SGCG: variants seen among roughly 807,000 people sequenced by gnomAD.
SGCG encodes the protein gamma-sarcoglycan.
SGCG carries 26 observed loss-of-function variants against 29.3 expected under a neutral mutation model. The ratio of observed to expected loss-of-function variants is 0.89; its 90% CI spans 0.65 to 1.23. SGCG has a LOEUF of 1.23. SGCG is among the 50% of genes most tolerant of loss of function. SGCG has a pLI of 0.00. For synonymous variants in SGCG, 145 were observed against 129.7 expected (o/e 1.12, Z -0.80); for missense variants, 353 against 356.0 (o/e 0.99, Z 0.07).
At chr13:23,273,477 G>T (rs115566158) in intron 4 of SGCG, among the ~76,000 whole-genome samples, 203 of 152,218 alleles carry the variant, frequency 1.3e-3, no homozygotes, top group Middle Eastern at 0.01. Flanking sequence ...GAGCTACCAC[G>T]CCCAGCCAGT....
intron 4 of SGCG, among the ~76,000 whole-genome samples, chr13:23,262,967 A>T (rs1880501131): frequency 6.6e-6 from 1 of 152,028 alleles, no homozygotes. Context: ...AATAAGAGTG[A>T]GTCAACTTAT....
In SGCG at chr13:23,283,351, G is replaced by A. The variant is rs138270974; in HGVS notation, c.505+3873G>A. Among the ~76,000 whole-genome samples the A allele has an allele frequency of 7.9e-3, 1,203 of 152,244 alleles. 19 individuals carry two copies. Among genetic ancestry groups the A allele is most frequent in the African/African-American group, 0.027 (1,115 of 41,530 alleles). ...GATAGTTAGCTCTTCTTGTTGAATTGATTCCTTTACCATTATGTAATGCCC... is the reference window on the plus strand; with the variant it reads ...GATAGTTAGCTCTTCTTGTTGAATTAATTCCTTTACCATTATGTAATGCCC... On this transcript the variant is annotated intron_variant, in intron 5 of 7. Transcript: ENST00000218867.
intron 4 of SGCG, among the ~76,000 whole-genome samples, chr13:23,256,319 T>C (rs1297855249): frequency 6.6e-6 from 1 of 152,036 alleles, no homozygotes; most frequent in East Asian, 1.9e-4. Flanking sequence ...GATAAATAAT[T>C]CAAAGTGTTT....
chr13:23,204,645 TCTTCTTTCCCTTCATTCC>T (rs1490263742), intron 2 of SGCG, among the ~76,000 whole-genome samples: 3 of 149,180 alleles, frequency 2.0e-5, no homozygotes, highest in Non-Finnish European at 3.0e-5. Context: ...CCTTTCTTTC[TCTTCTTTCCCTTCATTCC>T]CTTCTTTCCC....
chr13:23,268,534 AG>A (rs1880731863), intron 4 of SGCG: 1 of 152,714 alleles, frequency 6.5e-6, no homozygotes, highest in African/African-American at 2.4e-5. Flanking sequence ...ACATTTCAGG[AG>A]GGGGAATTCT....
chr13:23,209,357 C>G (rs1475043822), intron 2 of SGCG, among the ~76,000 whole-genome samples: 2 of 152,128 alleles, frequency 1.3e-5, no homozygotes, highest in African/African-American at 4.8e-5. Flanking sequence ...AAGAATCTTT[C>G]ATTTAGCAAG....
chr13:23,248,174 C>T (rs562466031), intron 3 of SGCG, among the ~76,000 whole-genome samples: 2 of 151,718 alleles, frequency 1.3e-5, no homozygotes, highest in East Asian at 1.9e-4. Context: ...ATCTACACAC[C>T]GAGTTTTCCT....
intron 1 of SGCG, among the ~76,000 whole-genome samples, chr13:23,195,540 G>A (rs544373420): frequency 6.6e-6 from 1 of 151,804 alleles, no homozygotes; most frequent in South Asian, 2.1e-4. Flanking sequence ...AGGTCTGTTA[G>A]ATACTTAAAG....
chr13:23,281,571 C>G (rs968241266), intron 5 of SGCG, among the ~76,000 whole-genome samples: 15 of 152,106 alleles, frequency 9.9e-5, no homozygotes, highest in African/African-American at 3.4e-4. Flanking sequence ...TGTTGACGCT[C>G]TCTGTAGAAG....
intron 2 of SGCG, among the ~76,000 whole-genome samples, chr13:23,216,343 C>A (rs1878427429): frequency 6.6e-6 from 1 of 151,658 alleles, no homozygotes. Flanking sequence ...ATTTGGTACC[C>A]AATAAATATT....
intron 4 of SGCG, among the ~76,000 whole-genome samples, chr13:23,277,693 C>T (rs952666078): frequency 1.3e-5 from 2 of 148,330 alleles, no homozygotes; most frequent in Non-Finnish European, 3.0e-5. Flanking sequence ...ATTTTCTCAA[C>T]TTCCTTTTTT....
Position 23,200,107 on chromosome 13 carries a change from C to T in SGCG, c.1-3588C>T, listed in dbSNP as rs557358134. Among the ~76,000 whole-genome samples the T allele has an allele frequency of 9.3e-5, 13 of 139,080 alleles. No homozygotes were observed. In the South Asian group the frequency reaches 2.4e-3, roughly 25 times the overall value. 91.2% of individuals were successfully genotyped at this position (139,080 alleles called of 152,430 possible). A position where few individuals can be genotyped will look rare whatever the true frequency, so the allele number is the denominator to read the frequency against. ...AAGTAACACTCAACCTATTTTATTG[C>T]TTGTTGTACGCTTAAATAAAAAATG... On this transcript the variant is annotated intron_variant, in intron 1 of 7. Coordinates refer to ENST00000218867, the MANE Select transcript of SGCG (RefSeq NM_000231.3).
At chr13:23,288,636 C>G (rs910141973) in intron 5 of SGCG, among the ~76,000 whole-genome samples, 6 of 152,172 alleles carry the variant, frequency 3.9e-5, no homozygotes, top group Non-Finnish European at 7.3e-5. Context: ...CATCTTCCTC[C>G]CCCACAAAAT....
intron 6 of SGCG, among the ~76,000 whole-genome samples, chr13:23,299,066 G>A (rs1048871278): frequency 6.6e-6 from 1 of 152,056 alleles, no homozygotes; most frequent in African/African-American, 2.4e-5. Context: ...ATTATGAAGT[G>A]ATTGGCAATT....
At chr13:23,308,685 G>A (rs1344501836) in intron 6 of SGCG, among the ~76,000 whole-genome samples, 2 of 151,744 alleles carry the variant, frequency 1.3e-5, no homozygotes, top group African/African-American at 4.8e-5. Flanking sequence ...CCACCTTAGC[G>A]CCCTGAGTAG....
At chr13:23,281,115 G>T (rs1004074002) in intron 5 of SGCG, among the ~76,000 whole-genome samples, 1 of 151,994 alleles carries the variant, frequency 6.6e-6, no homozygotes, top group Admixed American at 6.5e-5. Flanking sequence ...TGGATGGATC[G>T]CTTGAGCTCA....
intron 4 of SGCG, among the ~76,000 whole-genome samples, chr13:23,266,801 A>G (rs1316467511): frequency 2.0e-5 from 3 of 152,044 alleles, no homozygotes; most frequent in Non-Finnish European, 2.9e-5. Context: ...TTTTCCTTAC[A>G]CCATGATTGG....
intron 5 of SGCG, among the ~76,000 whole-genome samples, chr13:23,285,157 C>T (rs1386993170): frequency 1.3e-5 from 2 of 152,232 alleles, no homozygotes; most frequent in African/African-American, 2.4e-5. Flanking sequence ...ATCCGCTGCT[C>T]TCTTCAGAGC....
chr13:23,223,226 T>G (rs1878744600), intron 2 of SGCG, among the ~76,000 whole-genome samples: 1 of 103,320 alleles, frequency 9.7e-6, no homozygotes, highest in African/African-American at 4.1e-5. Context: ...TGCAGTGAGC[T>G]GAGATCATGC....
Sources: gnomAD v4.1 joint callset for allele counts (sites outside exome capture counted in the v4.1 genomes callset) on GRCh38, gnomAD v4.1.1 for gene constraint, MANE v1.5 for transcripts, NCBI Gene and HGNC (gene_info 2026-07-23, HGNC 2026-07-21) for gene names.